CNTNAP2: variants seen among roughly 807,000 people sequenced by gnomAD.
The protein encoded by CNTNAP2 is contactin-associated protein-like 2.
CNTNAP2 carries 98 observed loss-of-function variants against 155.2 expected under a neutral mutation model. The observed-to-expected ratio is 0.63, with a 90% confidence interval of 0.54 to 0.75. The LOEUF (loss-of-function observed/expected upper bound fraction) is 0.75, where lower values mean the gene tolerates loss of function less well. CNTNAP2 is among the 30% of genes least tolerant of loss of function. The probability of loss-of-function intolerance (pLI) is 0.00; values close to 1 mark genes in which losing one functional copy is unlikely to be tolerated. For missense variants in CNTNAP2, 1,727 were observed against 1,688.1 expected (o/e 1.02, Z -0.40); for synonymous variants, 651 against 631.2 (o/e 1.03, Z -0.47).
At chr7:146,805,639 T>C (rs1274475767) in intron 2 of CNTNAP2, among the ~76,000 whole-genome samples, 1 of 152,178 alleles carries the variant, frequency 6.6e-6, no homozygotes, top group East Asian at 1.9e-4. Flanking sequence ...TACCACTCTC[T>C]ACTCCATGTC....
At chr7:146,704,718 A>G (rs911356827) in intron 1 of CNTNAP2, among the ~76,000 whole-genome samples, 4 of 152,182 alleles carry the variant, frequency 2.6e-5, no homozygotes, top group African/African-American at 9.6e-5. Context: ...TATTCTCCAT[A>G]TCCTACATAG....
chr7:147,992,602 C>A (rs1383467138), intron 15 of CNTNAP2, among the ~76,000 whole-genome samples: 1 of 152,250 alleles, frequency 6.6e-6, no homozygotes, highest in African/African-American at 2.4e-5. Context: ...AGTCCAAGAG[C>A]CAATTGTGCT....
chr7:146,801,175 G>A (rs1292034970), intron 2 of CNTNAP2, among the ~76,000 whole-genome samples: 1 of 152,088 alleles, frequency 6.6e-6, no homozygotes, highest in Non-Finnish European at 1.5e-5. Flanking sequence ...ATGACAGAAG[G>A]AGCAGGAAAA....
At chr7:146,926,066 G>A (rs1272056686) in intron 3 of CNTNAP2, among the ~76,000 whole-genome samples, 1 of 152,124 alleles carries the variant, frequency 6.6e-6, no homozygotes, top group Non-Finnish European at 1.5e-5. Flanking sequence ...AGCCTTGATT[G>A]GAGATAATAA....
At chr7:148,301,213 G>C (rs535777036) in intron 21 of CNTNAP2, among the ~76,000 whole-genome samples, 2 of 151,070 alleles carry the variant, frequency 1.3e-5, no homozygotes, top group Admixed American at 6.6e-5. Context: ...AGAATCACTG[G>C]AACCCGGGAT....
intron 15 of CNTNAP2, among the ~76,000 whole-genome samples, chr7:148,110,272 G>A (rs1251485456): frequency 6.6e-6 from 1 of 152,176 alleles, no homozygotes. Flanking sequence ...ATTTAGGAAG[G>A]CCAAATGATC....
intron 1 of CNTNAP2, among the ~76,000 whole-genome samples, chr7:146,601,819 C>A (rs1417857801): frequency 6.6e-6 from 1 of 151,306 alleles, no homozygotes; most frequent in Non-Finnish European, 1.5e-5. Flanking sequence ...GGTATGAATG[C>A]AAAAAAAGTA....
intron 1 of CNTNAP2, among the ~76,000 whole-genome samples, chr7:146,704,513 T>A (rs890381386): frequency 1.3e-5 from 2 of 152,142 alleles, no homozygotes; most frequent in East Asian, 3.9e-4. Flanking sequence ...CAGGAAATAG[T>A]TAATGGCAAA....
At chr7:146,595,235 A>C (rs1352455640) in intron 1 of CNTNAP2, among the ~76,000 whole-genome samples, 2 of 152,004 alleles carry the variant, frequency 1.3e-5, no homozygotes, top group Non-Finnish European at 2.9e-5. Context: ...CAAGAAACAT[A>C]CTCTATATAT....
chr7:147,801,074 A>G (rs1194775677), intron 13 of CNTNAP2, among the ~76,000 whole-genome samples: 2 of 152,178 alleles, frequency 1.3e-5, no homozygotes, highest in Non-Finnish European at 2.9e-5. Flanking sequence ...AAGTGACTCT[A>G]CTGGAAAACA....
chr7:148,299,593 T>TG (rs1315354696), intron 21 of CNTNAP2, among the ~76,000 whole-genome samples: 5 of 152,244 alleles, frequency 3.3e-5, no homozygotes, highest in Admixed American at 3.3e-4. Context: ...CGCTGCTGTG[T>TG]GACCCTCCAC....
At chr7:146,355,731 G>T (rs528364222) in intron 1 of CNTNAP2, among the ~76,000 whole-genome samples, 4 of 152,070 alleles carry the variant, frequency 2.6e-5, no homozygotes, top group Non-Finnish European at 2.9e-5. Flanking sequence ...ATTTTATTAT[G>T]ATGATTTTTG....
intron 15 of CNTNAP2, among the ~76,000 whole-genome samples, chr7:148,067,992 C>T (rs1803300956): frequency 6.6e-6 from 1 of 152,146 alleles, no homozygotes; most frequent in Non-Finnish European, 1.5e-5. Flanking sequence ...GTCTCACTCC[C>T]ACTGCACCCC....
intron 3 of CNTNAP2, among the ~76,000 whole-genome samples, chr7:147,043,524 G>A (rs561962935): frequency 6.6e-6 from 1 of 152,292 alleles, no homozygotes; most frequent in African/African-American, 2.4e-5. Context: ...GGTTTTATGG[G>A]AGAAAATGTG....
intron 1 of CNTNAP2, among the ~76,000 whole-genome samples, chr7:146,718,205 C>T (rs1801224906): frequency 6.6e-6 from 1 of 152,146 alleles, no homozygotes; most frequent in Non-Finnish European, 1.5e-5. Context: ...TAAATATTTA[C>T]ACTGTCACAT....
intron 8 of CNTNAP2, among the ~76,000 whole-genome samples, chr7:147,187,438 AG>A (rs1802588762): frequency 6.6e-6 from 1 of 152,164 alleles, no homozygotes; most frequent in Non-Finnish European, 1.5e-5. Context: ...GCCATAAAAA[AG>A]AACAGAATTA....
chr7:147,008,359 G>A (rs1283678045), intron 3 of CNTNAP2, among the ~76,000 whole-genome samples: 1 of 151,946 alleles, frequency 6.6e-6, no homozygotes, highest in African/African-American at 2.4e-5. Flanking sequence ...TTCAAGAAGA[G>A]GTCGCTTACT....
chr7:146,927,481 C>A (rs1025038005), intron 3 of CNTNAP2, among the ~76,000 whole-genome samples: 4 of 152,072 alleles, frequency 2.6e-5, no homozygotes, highest in Admixed American at 6.5e-5. Flanking sequence ...TAAGTAAAAG[C>A]AGTATCTAAT....
At chr7:148,282,860 C>T (rs564574304) in intron 21 of CNTNAP2, among the ~76,000 whole-genome samples, 4 of 152,090 alleles carry the variant, frequency 2.6e-5, no homozygotes, top group Admixed American at 2.6e-4. Context: ...TATTTCTGTC[C>T]CAAATCTTCA....
Sources: allele counts gnomAD v4.1 joint callset (sites outside exome capture counted in the v4.1 genomes callset), GRCh38; gene constraint gnomAD v4.1.1; transcripts MANE v1.5; gene names NCBI Gene and HGNC (gene_info 2026-07-23, HGNC 2026-07-21).